Variants in TK2 observed in about 807,000 individuals in gnomAD.
TK2 encodes thymidine kinase 2, also known as thymidine kinase 2, mitochondrial.
A neutral mutation model predicts 41.9 loss-of-function variants in TK2; 35 were observed. The observed-to-expected ratio is 0.84, with a 90% CI of 0.64 to 1.11. The LOEUF (loss-of-function observed/expected upper bound fraction) is 1.11. TK2 is among the 50% of genes least tolerant of loss of function. The pLI is 0.00. For synonymous variants in TK2, 128 were observed against 129.1 expected (o/e 0.99, Z 0.06); for missense variants, 320 against 351.1 (o/e 0.91, Z 0.71).
intron 3 of TK2, among the ~76,000 whole-genome samples, chr16:66,538,747 G>A (rs991341466): frequency 3.3e-5 from 5 of 152,150 alleles, no homozygotes; most frequent in African/African-American, 7.2e-5. Context: ...GCATAACCTC[G>A]CTGGGAAGGT....
intron 3 of TK2, 104 bp from the exon 4 acceptor site, chr16:66,537,121 A>G: frequency 1.3e-6 from 2 of 1,523,884 alleles, no homozygotes; most frequent in Non-Finnish European, 1.8e-6. Flanking sequence ...AAAAGAGAGA[A>G]AAAGACTATC....
intron 5 of TK2, 30 bp from the exon 6 acceptor site, chr16:66,529,097 C>T (rs1468891775): frequency 6.2e-7 from 1 of 1,609,198 alleles, no homozygotes; most frequent in Non-Finnish European, 8.5e-7. Flanking sequence ...GAATCACTAA[C>T]TCAGGGGAAA....
At chr16:66,512,867 T>C (rs956444652) in intron 9 of TK2, among the ~76,000 whole-genome samples, 3 of 152,184 alleles carry the variant, frequency 2.0e-5, no homozygotes, top group East Asian at 1.9e-4. Context: ...GCAGAAGTGT[T>C]TGAGCCCAAA....
Position 66,517,049 on chromosome 16 carries a change from TC to T in TK2, c.618+86del. 6 of 1,129,182 alleles carry T rather than the reference TC, an allele frequency of 5.3e-6. No individual in the cohort carries two copies. In the South Asian group the frequency reaches 7.4e-5, roughly 14 times the overall value. The allele number at this position is 1,129,182 out of a possible 1,614,324, so 69.9% of individuals were successfully genotyped here. On this transcript the variant is annotated intron_variant, in intron 8 of 9. Coordinates refer to ENST00000544898, the MANE Select transcript of TK2 (RefSeq NM_004614.5). This position sits in a 1 kb window ranked among gnomAD's most constrained non-coding sequence, Gnocchi z 4.3. ...CTCTGCAAACAAGGGCACAATGATCTCATGGGGGTGGGGCCGGGAGAGGAAG... is the reference window on the plus strand; with the variant it reads ...CTCTGCAAACAAGGGCACAATGATCTATGGGGGTGGGGCCGGGAGAGGAAG...
chr16:66,520,520 C>T (rs1964749190), intron 6 of TK2, among the ~76,000 whole-genome samples: 1 of 152,134 alleles, frequency 6.6e-6, no homozygotes. Flanking sequence ...ATTAGGCAGG[C>T]GTGAGGGAGG....
chr16:66,521,088 C>G (rs1964765970), intron 6 of TK2, among the ~76,000 whole-genome samples: 1 of 152,242 alleles, frequency 6.6e-6, no homozygotes, highest in Non-Finnish European at 1.5e-5. Context: ...TGCGTCTGCA[C>G]AGCTCGAGGG....
At position 66,529,679 on chromosome 16, in the gene TK2, G is replaced by A. The variant is rs574743938; in HGVS notation, c.376-612C>T. ...AGCGTTCCTCTGGGAAGCAAGAGGC[G>A]CCCTGACCCTTGATGCCAGGCACAC... On this transcript the variant is annotated intron_variant, in intron 5 of 9. Coordinates refer to ENST00000544898, the MANE Select transcript of TK2 (RefSeq NM_004614.5). 5.3e-5 allele frequency among the ~76,000 whole-genome samples: 8 copies of A among 152,236 alleles called. No individual in the cohort carries two copies. In the South Asian group the frequency reaches 1.5e-3, roughly 28 times the overall value.
At chr16:66,528,399 A>G (rs1295159915) in intron 6 of TK2, among the ~76,000 whole-genome samples, 1 of 152,194 alleles carries the variant, frequency 6.6e-6, no homozygotes, top group Non-Finnish European at 1.5e-5. Flanking sequence ...GCTTTTAGTG[A>G]AAAACACAAC....
At chr16:66,528,031 C>CA (rs1964988407) in intron 6 of TK2, among the ~76,000 whole-genome samples, 1 of 152,040 alleles carries the variant, frequency 6.6e-6, no homozygotes, top group African/African-American at 2.4e-5. Context: ...GACCCTGCCT[C>CA]AAAAAACAAA....
intron 9 of TK2, among the ~76,000 whole-genome samples, chr16:66,512,814 A>G (rs1964490259): frequency 6.6e-6 from 1 of 152,166 alleles, no homozygotes; most frequent in African/African-American, 2.4e-5. Flanking sequence ...TACTACAGTA[A>G]TATCTCACTT....
chr16:66,517,958 G>A lies in TK2; in HGVS notation c.450-81C>T, dbSNP rs1189599463. ...AATTCCCCCAAAAGGATCTTGAGAC[G>A]GCTCTCAATGAAAGGAGTCACCAAG... is the stretch of plus-strand genomic sequence containing the variant. On this transcript the variant is annotated intron_variant, in intron 6 of 9. Coordinates refer to ENST00000544898, the MANE Select transcript of TK2 (RefSeq NM_004614.5). This position sits in a 1 kb window ranked among gnomAD's most constrained non-coding sequence, Gnocchi z 4.3. 11 of 1,180,820 alleles carry A rather than the reference G, an allele frequency of 9.3e-6. No homozygotes were observed. The East Asian group carries it at 9.4e-5, about 10-fold the overall frequency. 73.1% of individuals were successfully genotyped at this position (1,180,820 alleles called of 1,614,324 possible).
intron 6 of TK2, among the ~76,000 whole-genome samples, chr16:66,528,144 T>C (rs1964991697): frequency 6.6e-6 from 1 of 152,186 alleles, no homozygotes; most frequent in Admixed American, 6.5e-5. Context: ...GGAAGACAGC[T>C]GCAGATGAGA....
At chr16:66,519,423 C>T (rs537477735) in intron 6 of TK2, among the ~76,000 whole-genome samples, 250 of 152,338 alleles carry the variant, frequency 1.6e-3, no homozygotes, top group Non-Finnish European at 3.2e-3. Flanking sequence ...AAATGATCCA[C>T]CCGCCTCGGC....
At chr16:66,548,445 G>A (rs1283181351) in intron 2 of TK2, among the ~76,000 whole-genome samples, 2 of 152,110 alleles carry the variant, frequency 1.3e-5, no homozygotes, top group Non-Finnish European at 2.9e-5. Flanking sequence ...TATCCCCATG[G>A]ACACCAACCT....
At chr16:66,522,399 G>A (rs1964806581) in intron 6 of TK2, among the ~76,000 whole-genome samples, 2 of 152,174 alleles carry the variant, frequency 1.3e-5, no homozygotes, top group African/African-American at 2.4e-5. Context: ...TCCCGAGCTG[G>A]GTCCCACTCC....
At position 66,510,928 on chromosome 16, in the gene TK2, C is replaced by T. The variant is rs533005638; in HGVS notation, c.*1040G>A. 6.6e-6 allele frequency: 1 copy of T among 152,316 alleles called. No individual in the cohort carries two copies. Among genetic ancestry groups the T allele is most frequent in the African/African-American group, 2.4e-5 (1 of 41,572 alleles). 9.4% of individuals were successfully genotyped at this position (152,316 alleles called of 1,614,324 possible). On this transcript the variant is annotated 3_prime_UTR_variant, in exon 10 of 10. Coordinates refer to ENST00000544898, the MANE Select transcript of TK2 (RefSeq NM_004614.5). ...TGATTTCAGGCTCTATGGCTCGAGGCATTTCCCTGGATGAAATAACACTTC... is the reference window on the plus strand; with the variant it reads ...TGATTTCAGGCTCTATGGCTCGAGGTATTTCCCTGGATGAAATAACACTTC...
At chr16:66,533,302 C>T (rs1965175120) in intron 4 of TK2, among the ~76,000 whole-genome samples, 1 of 137,384 alleles carries the variant, frequency 7.3e-6, no homozygotes, top group Admixed American at 8.0e-5. Context: ...TGCCACTGTA[C>T]TCCAGCCTGG....
chr16:66,544,826 G>A (rs1005838007), intron 2 of TK2, among the ~76,000 whole-genome samples: 4 of 152,144 alleles, frequency 2.6e-5, no homozygotes, highest in African/African-American at 7.2e-5. Context: ...AGTGGCTCAC[G>A]CCTGTAATCC....
intron 6 of TK2, among the ~76,000 whole-genome samples, chr16:66,521,945 C>G (rs556498458): frequency 6.6e-6 from 1 of 152,356 alleles, no homozygotes; most frequent in African/African-American, 2.4e-5. Flanking sequence ...AAGAGAGCCC[C>G]CCAGTCTGTG....
Sources: gnomAD v4.1 joint callset for allele counts (sites outside exome capture counted in the v4.1 genomes callset) on GRCh38, gnomAD v4.1.1 for gene constraint, Gnocchi (gnomAD v3.1) non-coding constraint, MANE v1.5 for transcripts, NCBI Gene and HGNC (gene_info 2026-07-23, HGNC 2026-07-21) for gene names.